Variants in CDH13 observed in about 807,000 individuals in gnomAD.
CDH13 encodes cadherin-13.
In CDH13, 24 loss-of-function variants were observed where a neutral mutation model predicts 63.8. The ratio of observed to expected loss-of-function variants is 0.38; its 90% CI spans 0.27 to 0.53. The LOEUF is 0.53. Among genes scored for constraint, CDH13 ranks in the 20% least tolerant of loss-of-function variants. The probability of loss-of-function intolerance (pLI) is 0.85; values close to 1 mark genes in which losing one functional copy is unlikely to be tolerated. For missense variants in CDH13, 1,049 were observed against 903.1 expected, an observed-to-expected ratio of 1.16 and a Z score of -2.07; for synonymous variants, 503 against 355.3, an observed-to-expected ratio of 1.42 and a Z score of -4.67.
At chr16:83,363,710 G>C (rs577313787) in intron 6 of CDH13, among the ~76,000 whole-genome samples, 1 of 152,202 alleles carries the variant, frequency 6.6e-6, no homozygotes, top group African/African-American at 2.4e-5. Context: ...AGGATGTTCC[G>C]TCAGCCTGGC....
At chr16:83,001,332 G>C (rs577331106) in intron 2 of CDH13, among the ~76,000 whole-genome samples, 1 of 152,338 alleles carries the variant, frequency 6.6e-6, no homozygotes, top group South Asian at 2.1e-4. Context: ...TTGCATTGGT[G>C]TGAATTCCTC....
chr16:83,701,628 G>A (rs530680462), intron 10 of CDH13, among the ~76,000 whole-genome samples: 3 of 152,262 alleles, frequency 2.0e-5, no homozygotes, highest in African/African-American at 7.2e-5. Flanking sequence ...CTCTGCCTCT[G>A]TGCTAGGGTT....
At chr16:82,755,932 G>T (rs1303015086) in intron 1 of CDH13, among the ~76,000 whole-genome samples, 1 of 152,182 alleles carries the variant, frequency 6.6e-6, no homozygotes, top group Non-Finnish European at 1.5e-5. Flanking sequence ...GCTCAGAGAG[G>T]GGCCAGGAAG....
At chr16:82,699,818 A>C (rs1308906772) in intron 1 of CDH13, among the ~76,000 whole-genome samples, 1 of 152,236 alleles carries the variant, frequency 6.6e-6, no homozygotes, top group Admixed American at 6.5e-5. Context: ...CTGTTGAGAG[A>C]GGAATGTCCC....
intron 7 of CDH13, among the ~76,000 whole-genome samples, chr16:83,574,023 A>C (rs972460127): frequency 3.3e-5 from 5 of 152,130 alleles, no homozygotes; most frequent in Non-Finnish European, 7.4e-5. Context: ...AGGTATCTCC[A>C]AGCCACAGTT....
chr16:82,956,617 C>T (rs576300812), intron 2 of CDH13, among the ~76,000 whole-genome samples: 2 of 152,328 alleles, frequency 1.3e-5, no homozygotes, highest in East Asian at 1.9e-4. Flanking sequence ...ACAGCAGCGC[C>T]TGTCCTTCAT....
chr16:82,815,503 C>T (rs939183464), intron 1 of CDH13, among the ~76,000 whole-genome samples: 1 of 152,140 alleles, frequency 6.6e-6, no homozygotes, highest in African/African-American at 2.4e-5. Flanking sequence ...ACATGGAAAA[C>T]ACTCCCTACA....
chr16:83,020,883 T>A (rs1053659076), intron 2 of CDH13, among the ~76,000 whole-genome samples: 1 of 152,232 alleles, frequency 6.6e-6, no homozygotes, highest in Non-Finnish European at 1.5e-5. Flanking sequence ...CAGGACACTT[T>A]GTCACATGTC....
chr16:83,287,027 C>G (rs972909913), intron 5 of CDH13, among the ~76,000 whole-genome samples: 5 of 152,114 alleles, frequency 3.3e-5, no homozygotes, highest in Admixed American at 2.6e-4. Flanking sequence ...TAATGTTCAT[C>G]TTTTTTAGGG....
intron 6 of CDH13, among the ~76,000 whole-genome samples, chr16:83,461,759 G>C (rs2073187201): frequency 6.6e-6 from 1 of 152,342 alleles, no homozygotes; most frequent in East Asian, 1.9e-4. Context: ...AACTAGCAAT[G>C]TAAAAGATCA....
intron 4 of CDH13, among the ~76,000 whole-genome samples, chr16:83,177,086 T>A (rs1159302976): frequency 6.6e-6 from 1 of 152,162 alleles, no homozygotes; most frequent in Admixed American, 6.6e-5. Flanking sequence ...GCTGAGGACT[T>A]GAGATGTGGC....
intron 13 of CDH13, among the ~76,000 whole-genome samples, chr16:83,784,129 C>A (rs1915719118): frequency 6.6e-6 from 1 of 152,142 alleles, no homozygotes; most frequent in Non-Finnish European, 1.5e-5. Context: ...ATAACTGTTA[C>A]CATCCAAAAG....
intron 2 of CDH13, among the ~76,000 whole-genome samples, chr16:82,883,242 C>T (rs1329632694): frequency 1.3e-5 from 2 of 152,210 alleles, no homozygotes; most frequent in Non-Finnish European, 2.9e-5. Context: ...GCAGTGTCAT[C>T]TCATGATCTA....
chr16:83,701,136 C>T (rs1039315988), intron 10 of CDH13, among the ~76,000 whole-genome samples: 4 of 152,096 alleles, frequency 2.6e-5, no homozygotes, highest in South Asian at 2.1e-4. Context: ...CATTCCTTGC[C>T]GAAGCCAGGG....
At chr16:83,253,153 A>G (rs1294049715) in intron 5 of CDH13, among the ~76,000 whole-genome samples, 1 of 152,172 alleles carries the variant, frequency 6.6e-6, no homozygotes, top group Non-Finnish European at 1.5e-5. Flanking sequence ...CTTCAAATCA[A>G]GCTGCATTTG....
chr16:83,517,747 C>T (rs540882804), intron 7 of CDH13, among the ~76,000 whole-genome samples: 4 of 152,240 alleles, frequency 2.6e-5, no homozygotes, highest in Non-Finnish European at 5.9e-5. Flanking sequence ...GAATTGTTGA[C>T]AGTGTATAAG....
intron 10 of CDH13, among the ~76,000 whole-genome samples, chr16:83,719,778 A>G (rs1909439396): frequency 6.6e-6 from 1 of 152,036 alleles, no homozygotes; most frequent in Admixed American, 6.5e-5. Flanking sequence ...CTGAGTACCA[A>G]TCCCACTCCC....
chr16:83,300,441 A>G lies in CDH13; in HGVS notation c.637-44421A>G, dbSNP rs115887284. On this transcript the variant is annotated intron_variant, in intron 5 of 13. Transcript: ENST00000567109. ...TTTGATTTTCTCAAACCTGGAAGGGAGGAATGGAAGATGTTATCTCAAATT... is the reference window on the plus strand; with the variant it reads ...TTTGATTTTCTCAAACCTGGAAGGGGGGAATGGAAGATGTTATCTCAAATT... Among the ~76,000 whole-genome samples, 561 of 152,326 alleles carry G rather than the reference A, an allele frequency of 3.7e-3. 4 individuals carry two copies. The highest frequency in any genetic ancestry group is 9.7e-3 in the African/African-American group (404 of 41,580).
intron 1 of CDH13, among the ~76,000 whole-genome samples, chr16:82,797,178 G>C (rs2036622914): frequency 6.6e-6 from 1 of 152,154 alleles, no homozygotes; most frequent in Non-Finnish European, 1.5e-5. Context: ...CTCTTTCAGT[G>C]TGGGGAGGAA....
Sources: allele counts gnomAD v4.1 joint callset (sites outside exome capture counted in the v4.1 genomes callset), GRCh38; gene constraint gnomAD v4.1.1; transcripts MANE v1.5; gene names NCBI Gene and HGNC (gene_info 2026-07-23, HGNC 2026-07-21).